AADACL2: variants seen among roughly 807,000 people sequenced by gnomAD.
The protein encoded by AADACL2 is arylacetamide deacetylase-like 2.
Under a neutral mutation model 22.3 loss-of-function variants are expected in AADACL2, and 23 were observed. The observed-to-expected ratio is 1.03, with a 90% CI of 0.74 to 1.46. AADACL2 has a LOEUF of 1.46. Among genes scored for constraint, AADACL2 ranks in the 40% most tolerant of loss-of-function variants. AADACL2 has a pLI of 0.00. For synonymous variants in AADACL2, 177 were observed against 166.2 expected, an observed-to-expected ratio of 1.07 and a Z score of -0.50; for missense variants, 472 against 482.9, an observed-to-expected ratio of 0.98 and a Z score of 0.21.
intron 4 of AADACL2, among the ~76,000 whole-genome samples, chr3:151,747,069 A>G (rs930748937): frequency 6.6e-6 from 1 of 151,496 alleles, no homozygotes; most frequent in Admixed American, 6.6e-5. Context: ...CAACTCTCTT[A>G]TTTTCTGTTT....
rs982106807 is a variant in AADACL2, at chr3:151,761,103, A to G, written c.*3509A>G. 2.0e-5 allele frequency: 3 copies of G among 147,216 alleles called. No individual in the cohort carries two copies. Among genetic ancestry groups the G allele is most frequent in the African/African-American group, 7.5e-5 (3 of 39,994 alleles). 9.1% of individuals were successfully genotyped at this position (147,216 alleles called of 1,614,324 possible). A position where few individuals can be genotyped will look rare whatever the true frequency, so the allele number is the denominator to read the frequency against. ...TATATATATGGTGAGATATATATAT[A>G]TTTTTTTATATATGGTGAGATATAT... On this transcript the variant is annotated 3_prime_UTR_variant, in exon 5 of 5. Transcript: ENST00000356517.
intron 2 of AADACL2, among the ~76,000 whole-genome samples, 183 bp downstream of exon 2, chr3:151,741,051 C>A (rs1520145): frequency 0.67 from 102,598 of 152,014 alleles, 34,725 homozygotes; most frequent in South Asian, 0.75. Flanking sequence ...TGTTTGGCAA[C>A]TAATATTATG....
chr3:151,737,315 G>T (rs1241920081), intron 1 of AADACL2, among the ~76,000 whole-genome samples: 1 of 151,376 alleles, frequency 6.6e-6, no homozygotes, highest in Non-Finnish European at 1.5e-5. Flanking sequence ...TTGTGCTGTG[G>T]TCCGAGAGAC....
intron 1 of AADACL2, among the ~76,000 whole-genome samples, chr3:151,738,764 C>G (rs1376888687): frequency 6.6e-6 from 1 of 152,160 alleles, no homozygotes; most frequent in Non-Finnish European, 1.5e-5. Context: ...TCCCTGATAT[C>G]CTTTCTTCCA....
In AADACL2 at chr3:151,757,688, T is replaced by A; in HGVS notation, c.*94T>A. ...AAAGAACAATGTCATTTGAGTTATCTAAATCTACATTTGCAACATTTGTAG... is the reference window on the plus strand; with the variant it reads ...AAAGAACAATGTCATTTGAGTTATCAAAATCTACATTTGCAACATTTGTAG... On this transcript the variant is annotated 3_prime_UTR_variant, in exon 5 of 5. Transcript: ENST00000356517. The A allele has an allele frequency of 7.0e-7, 1 of 1,421,676 alleles. No homozygotes were observed. The highest frequency in any genetic ancestry group is 9.4e-7 in the Non-Finnish European group (1 of 1,058,398). The allele number at this position is 1,421,676 out of a possible 1,614,324, so 88.1% of individuals were successfully genotyped here.
In AADACL2 at chr3:151,757,830, T is replaced by G. The variant is rs1052129381; in HGVS notation, c.*236T>G. On this transcript the variant is annotated 3_prime_UTR_variant, in exon 5 of 5. Coordinates refer to ENST00000356517, the MANE Select transcript of AADACL2 (RefSeq NM_207365.4). Reference sequence around the variant, plus strand: ...TACTTATAATTTATTATAATTATGTTGGTTCTAATAAGAACCAATGCTTAT... The same window carrying G: ...TACTTATAATTTATTATAATTATGTGGGTTCTAATAAGAACCAATGCTTAT... The G allele has an allele frequency of 5.8e-6, 2 of 342,790 alleles. No homozygotes were observed. The highest frequency in any genetic ancestry group is 4.3e-5 in the African/African-American group (2 of 46,830). The allele number at this position is 342,790 out of a possible 1,614,324, so 21.2% of individuals were successfully genotyped here. A position where few individuals can be genotyped will look rare whatever the true frequency, so the allele number is the denominator to read the frequency against.
intron 4 of AADACL2, among the ~76,000 whole-genome samples, chr3:151,751,033 G>C (rs1193337414): frequency 6.6e-6 from 1 of 152,106 alleles, no homozygotes; most frequent in Non-Finnish European, 1.5e-5. Flanking sequence ...AAAAATAAAA[G>C]AGGACTTCAT....
At chr3:151,745,279 C>T (rs770605773) in intron 3 of AADACL2, among the ~76,000 whole-genome samples, 1 of 152,122 alleles carries the variant, frequency 6.6e-6, no homozygotes, top group African/African-American at 2.4e-5. Flanking sequence ...AAGTTCATAA[C>T]ACTCCCCTGA....
In AADACL2 at chr3:151,744,124, G is replaced by T. The variant is rs1480722907; in HGVS notation, c.393G>T (p.Trp131Cys). ...GGGCTTTTGACTTCCTGAATAGATG[G>T]ACGGCAAACACGCTTGATGCTGTTG... ...KQRAFDFLNRWTANTLDAVVV... is the reference protein window; with the variant it reads ...KQRAFDFLNRCTANTLDAVVV... Residue 131 changes from tryptophan (W) to cysteine (C), a missense_variant, in exon 3 of 5, where the codon TGG becomes TGT. This residue lies in a region of AADACL2 where 356 missense variants were observed against 365.5 expected (regional missense o/e 0.97). Coordinates refer to ENST00000356517, the MANE Select transcript of AADACL2 (RefSeq NM_207365.4). 1.2e-6 allele frequency: 2 copies of T among 1,613,716 alleles called. No homozygotes were observed. The highest frequency in any genetic ancestry group is 3.3e-5 in the Admixed American group (2 of 59,994).
chr3:151,745,572 A>G lies in AADACL2; in HGVS notation c.495A>G (p.Lys165=), dbSNP rs773281027. The G allele has an allele frequency of 6.2e-7, 1 of 1,613,772 alleles. No individual in the cohort carries two copies. ...TTGAAGATGGCCTTGCTGCAGTCAA[A>G]TTTTTTCTTTTGGAAAAAATTCTTA... ...AQFEDGLAAV[K]FFLLEKILTK... The change falls in exon 4 of 5, where the codon AAA becomes AAG. Residue 165 remains lysine, a synonymous_variant. Transcript: ENST00000356517.
intron 4 of AADACL2, 30 bp downstream of exon 4, chr3:151,745,710 G>T: frequency 6.5e-7 from 1 of 1,535,040 alleles, no homozygotes; most frequent in South Asian, 1.3e-5. Context: ...ATGATAGGAG[G>T]CAGAAATTGA....
Position 151,757,923 on chromosome 3 carries a change from T to C in AADACL2, c.*329T>C, listed in dbSNP as rs1047870163. On this transcript the variant is annotated 3_prime_UTR_variant, in exon 5 of 5. Transcript: ENST00000356517. ...ATACTTTCCAGATAGGCACAGAAAT[T>C]GTTGTAGTGAGTGGGAAGAGGAAAA... 50 of 180,544 alleles carry C rather than the reference T, an allele frequency of 2.8e-4. No individual in the cohort carries two copies. The highest frequency in any genetic ancestry group is 4.5e-4 in the Admixed American group (8 of 17,624). 11.2% of individuals were successfully genotyped at this position (180,544 alleles called of 1,614,324 possible).
chr3:151,744,117 A>G lies in AADACL2; in HGVS notation c.386A>G (p.Asn129Ser), dbSNP rs750848019. The G allele has an allele frequency of 5.0e-6, 8 of 1,613,654 alleles. No homozygotes were observed. In the African/African-American group the frequency reaches 1.1e-4, roughly 22 times the overall value. The change falls in exon 3 of 5, where the codon AAT becomes AGT. Residue 129 changes from asparagine to serine, a missense_variant. Coordinates refer to ENST00000356517, the MANE Select transcript of AADACL2 (RefSeq NM_207365.4). ...SSKQRAFDFLNRWTANTLDAV... is the reference protein window; with the variant it reads ...SSKQRAFDFLSRWTANTLDAV... ...GAACAGAGGGCTTTTGACTTCCTGA[A>G]TAGATGGACGGCAAACACGCTTGAT...
chr3:151,759,663 C>T lies in AADACL2; in HGVS notation c.*2069C>T, dbSNP rs1011367052. 1 of 152,170 alleles carries T rather than the reference C, an allele frequency of 6.6e-6. No homozygotes were observed. The highest frequency in any genetic ancestry group is 6.6e-5 in the Admixed American group (1 of 15,266). 9.4% of individuals were successfully genotyped at this position (152,170 alleles called of 1,614,324 possible). ...TGTATGCTAAGGTAGGCCAGTCAATCCTTTTTTATTTATTTTGTAAATTTG... is the reference window on the plus strand; with the variant it reads ...TGTATGCTAAGGTAGGCCAGTCAATTCTTTTTTATTTATTTTGTAAATTTG... On this transcript the variant is annotated 3_prime_UTR_variant, in exon 5 of 5. Coordinates refer to ENST00000356517, the MANE Select transcript of AADACL2 (RefSeq NM_207365.4).
chr3:151,746,480 C>T (rs1486258051), intron 4 of AADACL2, among the ~76,000 whole-genome samples: 2 of 150,502 alleles, frequency 1.3e-5, no homozygotes, highest in Admixed American at 1.3e-4. Flanking sequence ...ATTGCACTGT[C>T]TGGGGCCTCT....
chr3:151,754,316 C>A (rs1713792412), intron 4 of AADACL2, among the ~76,000 whole-genome samples: 1 of 152,084 alleles, frequency 6.6e-6, no homozygotes, highest in Admixed American at 6.6e-5. Context: ...AAAGTATAAA[C>A]TTAGGAGACC....
chr3:151,760,348 C>T lies in AADACL2; in HGVS notation c.*2754C>T, dbSNP rs1714100563. 1 of 152,102 alleles carries T rather than the reference C, an allele frequency of 6.6e-6. No individual in the cohort carries two copies. Among genetic ancestry groups the T allele is most frequent in the Non-Finnish European group, 1.5e-5 (1 of 68,014 alleles). The allele number at this position is 152,102 out of a possible 1,614,324, so 9.4% of individuals were successfully genotyped here. A position where few individuals can be genotyped will look rare whatever the true frequency, so the allele number is the denominator to read the frequency against. On this transcript the variant is annotated 3_prime_UTR_variant, in exon 5 of 5. Coordinates refer to ENST00000356517, the MANE Select transcript of AADACL2 (RefSeq NM_207365.4). ...TTCTAAGAGAAACAGTGATGCAGAA[C>T]CTGAGAGTCAAATTTAATATTCTCT...
rs564387600 is a variant in AADACL2 at position 151,745,741 on chromosome 3, A to G, written c.603+61A>G. The G allele has an allele frequency of 1.1e-5, 17 of 1,495,922 alleles. No homozygotes were observed. In the African/African-American group the frequency reaches 1.1e-4, roughly 10 times the overall value. 92.7% of individuals were successfully genotyped at this position (1,495,922 alleles called of 1,614,324 possible). On this transcript the variant is annotated intron_variant, in intron 4 of 4. Coordinates refer to ENST00000356517, the MANE Select transcript of AADACL2 (RefSeq NM_207365.4). ...ATTGAGGCTCATTTTTTTTCTATAG[A>G]TAATTCAGTTCTTCCCCCACCATTT...
intron 3 of AADACL2, among the ~76,000 whole-genome samples, 164 bp from the exon 4 acceptor site, chr3:151,745,345 C>T (rs77149691): frequency 0.031 from 4,650 of 152,182 alleles, 231 homozygotes; most frequent in African/African-American, 0.11. Context: ...AAACCTTATA[C>T]TTTATTAAAA....
Sources: gnomAD v4.1 joint callset for allele counts (sites outside exome capture counted in the v4.1 genomes callset) on GRCh38, gnomAD v4.1.1 for gene constraint, gnomAD v4.1.1 regional missense constraint, MANE v1.5 for transcripts, NCBI Gene and HGNC (gene_info 2026-07-23, HGNC 2026-07-21) for gene names.